Variants in SERPINE3 observed in about 807,000 individuals in gnomAD.
SERPINE3 encodes the protein serpin family E member 3.
SERPINE3 carries 43 observed loss-of-function variants against 41.7 expected under a neutral mutation model. The ratio of observed to expected loss-of-function variants is 1.03; its 90% CI spans 0.81 to 1.33. The LOEUF is 1.33. Among genes scored for constraint, SERPINE3 ranks in the 40% most tolerant of loss-of-function variants. SERPINE3 has a pLI of 0.00. For missense variants in SERPINE3, 440 were observed against 491.7 expected, an observed-to-expected ratio of 0.89 and a Z score of 0.99; for synonymous variants, 200 against 192.2, an observed-to-expected ratio of 1.04 and a Z score of -0.34.
chr13:51,364,070 T>C (rs961607175), intron 9 of SERPINE3, 169 bp from the exon 10 acceptor site: 5 of 396,728 alleles, frequency 1.3e-5, no homozygotes, highest in Non-Finnish European at 2.2e-5. Context: ...CTGGATTTTG[T>C]GTAACTCTCA....
chr13:51,341,429 TCACA>T, intron 3 of SERPINE3, 82 bp downstream of exon 3: 1 of 1,273,688 alleles, frequency 7.9e-7, no homozygotes, highest in Admixed American at 2.1e-5. Flanking sequence ...CTGCTCACAC[TCACA>T]CTCACTCTCT....
chr13:51,363,647 TACA>T (rs901652244), intron 9 of SERPINE3: 7 of 151,988 alleles, frequency 4.6e-5, no homozygotes, highest in Non-Finnish European at 7.4e-5. Context: ...ACAATAATTC[TACA>T]ACAAGTATTC....
rs1301230227 is a variant in SERPINE3 at position 51,361,846 on chromosome 13, T to C, written c.1124T>C (p.Phe375Ser). Reference sequence around the variant, plus strand: ...TTGAAAAGGTCTCGGATTCCTATTTTTAAAGCAGATCGGCCATTCATCTAT... The same window carrying C: ...TTGAAAAGGTCTCGGATTCCTATTTCTAAAGCAGATCGGCCATTCATCTAT... ...LLLKRSRIPI[F>S]KADRPFIYFL... The change falls in exon 9 of 10, where the codon TTT becomes TCT. Residue 375 changes from phenylalanine to serine, a missense_variant. Coordinates refer to ENST00000681248, the MANE Select transcript of SERPINE3 (RefSeq NM_001386375.1). 1 of 1,611,242 alleles carries C rather than the reference T, an allele frequency of 6.2e-7. No individual in the cohort carries two copies. Among genetic ancestry groups the C allele is most frequent in the Non-Finnish European group, 8.5e-7 (1 of 1,178,556 alleles).
intron 9 of SERPINE3, 33 bp from the exon 10 acceptor site, chr13:51,364,206 T>C (rs565740888): frequency 8.4e-5 from 95 of 1,126,886 alleles, no homozygotes; most frequent in Admixed American, 1.6e-4. Context: ...ATGAAAATAC[T>C]ATATAATATT....
At chr13:51,360,818 T>A (rs892952618) in intron 7 of SERPINE3, among the ~76,000 whole-genome samples, 2 of 151,960 alleles carry the variant, frequency 1.3e-5, no homozygotes, top group African/African-American at 4.8e-5. Context: ...TAAAGTGCAG[T>A]CCAAAAAGGC....
rs148994176 is a variant in SERPINE3 at position 51,359,930 on chromosome 13, T to A, written c.1001-1348T>A. Among the ~76,000 whole-genome samples, 582 of 152,126 alleles carry A rather than the reference T, an allele frequency of 3.8e-3. 3 individuals are homozygous for A. Among genetic ancestry groups the A allele is most frequent in the African/African-American group, 0.013 (534 of 41,524 alleles). On this transcript the variant is annotated intron_variant, in intron 7 of 9. Transcript: ENST00000681248. ...TAAAATAAATCAAATTCTTTGCTGA[T>A]TTTAGGACAAGTGACACTAGTGAAT...
rs894993180 is a variant in SERPINE3, at chr13:51,364,631, T to A, written c.*349T>A. ...GGGTGGAGAATGAATAGCGTGGTTT[T>A]CCTTATCCTGTGAAACTCAGGGGGG... On this transcript the variant is annotated 3_prime_UTR_variant, in exon 10 of 10. Transcript: ENST00000681248. 5.5e-5 allele frequency: 10 copies of A among 182,810 alleles called. No homozygotes were observed. The highest frequency in any genetic ancestry group is 1.0e-4 in the Non-Finnish European group (9 of 88,884). 11.3% of individuals were successfully genotyped at this position (182,810 alleles called of 1,614,324 possible). A position where few individuals can be genotyped will look rare whatever the true frequency, so the allele number is the denominator to read the frequency against.
chr13:51,346,935 A>T, intron 4 of SERPINE3, 90 bp from the exon 5 acceptor site: 1 of 925,410 alleles, frequency 1.1e-6, no homozygotes, highest in Non-Finnish European at 1.7e-6. Flanking sequence ...TTCGCATTTT[A>T]ACTCTGCACT....
chr13:51,344,307 C>T lies in SERPINE3; in HGVS notation c.312C>T (p.Ser104=). ...HAVYATLPTS[S]QGTEMELACS... ...TTTATGCCACACTACCCACCTCCAG[C>T]CAAGGCACCGAGATGGAGCTGGCCT... is the stretch of plus-strand genomic sequence containing the variant. The change falls in exon 4 of 10, where the codon AGC becomes AGT. Residue 104 remains serine, a synonymous_variant. Coordinates refer to ENST00000681248, the MANE Select transcript of SERPINE3 (RefSeq NM_001386375.1). 6.2e-7 allele frequency: 1 copy of T among 1,613,992 alleles called. No individual in the cohort carries two copies. The highest frequency in any genetic ancestry group is 8.5e-7 in the Non-Finnish European group (1 of 1,179,890).
intron 6 of SERPINE3, among the ~76,000 whole-genome samples, chr13:51,354,698 G>A (rs765858975): frequency 1.1e-4 from 16 of 152,098 alleles, no homozygotes; most frequent in South Asian, 2.1e-4. Flanking sequence ...TCTATATATC[G>A]TAAGAGCAGA....
chr13:51,353,383 T>G (rs928708465), intron 6 of SERPINE3, among the ~76,000 whole-genome samples: 1 of 152,188 alleles, frequency 6.6e-6, no homozygotes, highest in African/African-American at 2.4e-5. Flanking sequence ...AAGGATTCAT[T>G]CATTTAATCT....
intron 9 of SERPINE3, chr13:51,363,337 C>T (rs1027354477): frequency 2.6e-5 from 4 of 151,894 alleles, no homozygotes; most frequent in Admixed American, 1.3e-4. Context: ...TGTGACTTTA[C>T]CTCTATCTGG....
chr13:51,363,680 A>T (rs1306440859), intron 9 of SERPINE3: 3 of 148,874 alleles, frequency 2.0e-5, no homozygotes, highest in Admixed American at 6.7e-5. Flanking sequence ...TAATATACCC[A>T]TTTTTTTTTT....
chr13:51,359,190 CAGG>C (rs1955524204), intron 7 of SERPINE3, among the ~76,000 whole-genome samples: 1 of 151,994 alleles, frequency 6.6e-6, no homozygotes, highest in South Asian at 2.1e-4. Flanking sequence ...AGAAAAAGAC[CAGG>C]AGAATCCCTT....
Position 51,364,507 on chromosome 13 carries a change from C to T in SERPINE3, c.*225C>T, listed in dbSNP as rs2137842594. On this transcript the variant is annotated 3_prime_UTR_variant, in exon 10 of 10. Coordinates refer to ENST00000681248, the MANE Select transcript of SERPINE3 (RefSeq NM_001386375.1). ...GACCTTCTTTTCTACTGCTTACCCC[C>T]CAAACCACTAAAAGGCACAGCAGTG... 6.8e-6 allele frequency: 3 copies of T among 438,776 alleles called. No individual in the cohort carries two copies. Among genetic ancestry groups the T allele is most frequent in the South Asian group, 7.3e-5 (2 of 27,566 alleles). 27.2% of individuals were successfully genotyped at this position (438,776 alleles called of 1,614,324 possible). A position where few individuals can be genotyped will look rare whatever the true frequency, so the allele number is the denominator to read the frequency against.
rs374674204 is a variant in SERPINE3 at position 51,347,059 on chromosome 13, G to A, written c.525G>A (p.Pro175=). ...GGPSEGPGGW[P]WEQVSAAFAQ... ...CCAGTGAGGGCCCTGGTGGCTGGCC[G>A]TGGGAGCAAGTCAGTGCAGCATTTG... is the stretch of plus-strand genomic sequence containing the variant. Residue 175 remains proline (P), a synonymous_variant, in exon 5 of 10, where the codon CCG becomes CCA. Transcript: ENST00000681248. 4.0e-4 allele frequency: 635 copies of A among 1,596,588 alleles called. 1 individual carries two copies. The highest frequency in any genetic ancestry group is 4.9e-4 in the Non-Finnish European group (574 of 1,171,552).
At chr13:51,340,004 A>G (rs1369796283) in intron 1 of SERPINE3, among the ~76,000 whole-genome samples, 2 of 152,038 alleles carry the variant, frequency 1.3e-5, no homozygotes, top group African/African-American at 4.8e-5. Context: ...TGTAGGGAGG[A>G]AGGGTTGGAA....
rs1461624889 is a variant in SERPINE3 at position 51,344,203 on chromosome 13, C to G, written c.257-49C>G. On this transcript the variant is annotated intron_variant, in intron 3 of 9. Coordinates refer to ENST00000681248, the MANE Select transcript of SERPINE3 (RefSeq NM_001386375.1). ...ATGTGTGCTGGAGGTTGTGCTAACT[C>G]CTTACTCACACTCACCATTGTCAAC... 14 of 1,390,988 alleles carry G rather than the reference C, an allele frequency of 1.0e-5. No individual in the cohort carries two copies. The East Asian group carries it at 2.8e-4, about 28-fold the overall frequency. 86.2% of individuals were successfully genotyped at this position (1,390,988 alleles called of 1,614,324 possible).
intron 7 of SERPINE3, among the ~76,000 whole-genome samples, chr13:51,355,710 C>A (rs1955470834): frequency 6.6e-6 from 1 of 152,148 alleles, no homozygotes; most frequent in Non-Finnish European, 1.5e-5. Context: ...TACTACCAAT[C>A]AATAGGTGCT....
Sources: gnomAD v4.1 joint callset for allele counts (sites outside exome capture counted in the v4.1 genomes callset) on GRCh38, gnomAD v4.1.1 for gene constraint, MANE v1.5 for transcripts, NCBI Gene and HGNC (gene_info 2026-07-23, HGNC 2026-07-21) for gene names.